The following LZTS1 variants were observed in gnomAD, a reference collection of about 807,000 sequenced individuals.
LZTS1 encodes the protein leucine zipper tumor suppressor 1.
A neutral mutation model predicts 45.8 loss-of-function variants in LZTS1; 31 were observed. The ratio of observed to expected loss-of-function variants is 0.68; its 90% CI spans 0.51 to 0.91. The LOEUF is 0.91. Among genes scored for constraint, LZTS1 ranks in the 40% least tolerant of loss-of-function variants. The probability of loss-of-function intolerance (pLI) is 0.00; values close to 1 mark genes in which losing one functional copy is unlikely to be tolerated. For synonymous variants in LZTS1, 359 were observed against 357.3 expected (o/e 1.00, Z -0.05); for missense variants, 821 against 788.9 (o/e 1.04, Z -0.49).
chr8:20,282,048 G>A (rs532642882), intron 1 of LZTS1, among the ~76,000 whole-genome samples: 21 of 152,200 alleles, frequency 1.4e-4, no homozygotes, highest in African/African-American at 4.8e-4. Flanking sequence ...TCTCCTCTGA[G>A]TACTGCAATC....
At chr8:20,285,247 T>C (rs1021020867) in intron 1 of LZTS1, among the ~76,000 whole-genome samples, 1 of 152,214 alleles carries the variant, frequency 6.6e-6, no homozygotes, top group African/African-American at 2.4e-5. Flanking sequence ...TGTGAGCTCA[T>C]CAACTTCCAC....
intron 1 of LZTS1, among the ~76,000 whole-genome samples, chr8:20,258,742 C>T (rs1305128742): frequency 1.3e-5 from 2 of 152,188 alleles, no homozygotes; most frequent in Non-Finnish European, 2.9e-5. Context: ...AAATGCTAGG[C>T]AGTGTTATCG....
At chr8:20,300,035 C>G (rs1473329332) in intron 1 of LZTS1, among the ~76,000 whole-genome samples, 1 of 152,178 alleles carries the variant, frequency 6.6e-6, no homozygotes, top group East Asian at 1.9e-4. Flanking sequence ...CATAACTGTG[C>G]TTGTGGGTTG....
intron 1 of LZTS1, among the ~76,000 whole-genome samples, chr8:20,283,444 C>G (rs933450455): frequency 9.9e-5 from 15 of 152,184 alleles, no homozygotes; most frequent in Admixed American, 3.3e-4. Flanking sequence ...TCTTGGACTT[C>G]TCAGCCTCCA....
chr8:20,263,591 C>G (rs924371875), intron 1 of LZTS1, among the ~76,000 whole-genome samples: 2 of 152,200 alleles, frequency 1.3e-5, no homozygotes, highest in African/African-American at 4.8e-5. Context: ...CCTTCAGGAG[C>G]TGGAGAGACC....
intron 1 of LZTS1, among the ~76,000 whole-genome samples, chr8:20,287,304 TCA>T (rs1800809466): frequency 1.3e-5 from 2 of 152,368 alleles, no homozygotes; most frequent in East Asian, 3.9e-4. Flanking sequence ...GCCCAGCTCC[TCA>T]CTGGAGCTTC....
chr8:20,264,280 C>A (rs551493496), intron 1 of LZTS1, among the ~76,000 whole-genome samples: 2 of 152,316 alleles, frequency 1.3e-5, no homozygotes, highest in South Asian at 2.1e-4. Context: ...CACCTCATTT[C>A]TTTTACTATT....
Position 20,249,765 on chromosome 8 carries a change from C to T in LZTS1, c.1748G>A (p.Gly583Glu), listed in dbSNP as rs190462710. 3.7e-6 allele frequency: 6 copies of T among 1,612,792 alleles called. No homozygotes were observed. Among genetic ancestry groups the T allele is most frequent in the Admixed American group, 1.7e-5 (1 of 60,016 alleles). The change falls in exon 4 of 4, where the codon GGG (glycine) becomes GAG (glutamate). Residue 583 changes from glycine to glutamate, a missense_variant. By Grantham distance (98) the Gly-to-Glu change is moderately conservative. Transcript: ENST00000381569. ...AGEPLEVDLE[G>E]ADIPYEDIIA... Reference sequence around the variant, plus strand: ...GATGTCCTCGTAGGGGATGTCAGCCCCTTCCAGGTCAACCTCCAAGGGCTC... The same window carrying T: ...GATGTCCTCGTAGGGGATGTCAGCCTCTTCCAGGTCAACCTCCAAGGGCTC...
At chr8:20,288,026 G>A (rs1017520809) in intron 1 of LZTS1, among the ~76,000 whole-genome samples, 2 of 150,948 alleles carry the variant, frequency 1.3e-5, no homozygotes, top group Admixed American at 6.6e-5. Context: ...GGGGAATCCC[G>A]ACTGTGGGTC....
intron 1 of LZTS1, among the ~76,000 whole-genome samples, chr8:20,270,196 C>T (rs1800444398): frequency 6.6e-6 from 1 of 152,280 alleles, no homozygotes; most frequent in Non-Finnish European, 1.5e-5. Context: ...CTAGGCCACT[C>T]AGCAAGGCAG....
At position 20,249,556 on chromosome 8, in the gene LZTS1, CAG is replaced by C. The variant is rs1563846180; in HGVS notation, c.*164_*165del. The C allele has an allele frequency of 1.2e-5, 10 of 805,396 alleles. No homozygotes were observed. The highest frequency in any genetic ancestry group is 1.9e-5 in the Non-Finnish European group (10 of 524,958). The allele number at this position is 805,396 out of a possible 1,614,324, so 49.9% of individuals were successfully genotyped here. Reference sequence around the variant, plus strand: ...GCAGGGCTGGTGAGCACTGGGACATCAGAGAGGGAAGGAAAGGCCATCCTGCC... The same window carrying C: ...GCAGGGCTGGTGAGCACTGGGACATCAGAGGGAAGGAAAGGCCATCCTGCC... On this transcript the variant is annotated 3_prime_UTR_variant, in exon 4 of 4. Transcript: ENST00000381569.
At chr8:20,262,592 G>A (rs558062061) in intron 1 of LZTS1, among the ~76,000 whole-genome samples, 6 of 152,248 alleles carry the variant, frequency 3.9e-5, no homozygotes, top group South Asian at 2.1e-4. Context: ...TGCCCTTATC[G>A]GGAACAGCAT....
intron 1 of LZTS1, among the ~76,000 whole-genome samples, chr8:20,295,169 G>C (rs1026660807): frequency 4.6e-5 from 7 of 151,776 alleles, no homozygotes; most frequent in African/African-American, 1.7e-4. Flanking sequence ...TGTGAGAACC[G>C]ATTCTGCTTC....
At position 20,287,483 on chromosome 8, in the gene LZTS1, G is replaced by T. The variant is rs77212271; in HGVS notation, c.-135+16257C>A. On this transcript the variant is annotated intron_variant, in intron 1 of 3. Transcript: ENST00000381569. ...CACCCTCAACTCTCTTTCCCTTCCT[G>T]GCTCTACAGAGGGTCTATGAGCTTG... Among the ~76,000 whole-genome samples the T allele has an allele frequency of 4.5e-3, 686 of 152,284 alleles. 9 individuals are homozygous for T. Among genetic ancestry groups the T allele is most frequent in the African/African-American group, 0.015 (643 of 41,564 alleles).
chr8:20,263,651 C>T (rs1800291453), intron 1 of LZTS1, among the ~76,000 whole-genome samples: 1 of 152,102 alleles, frequency 6.6e-6, no homozygotes, highest in Admixed American at 6.6e-5. Context: ...AAGGCAGCCC[C>T]ATCCCTCCAC....
In LZTS1 at chr8:20,248,895, C is replaced by G. The variant is rs73604002; in HGVS notation, c.*827G>C. On this transcript the variant is annotated 3_prime_UTR_variant, in exon 4 of 4. Transcript: ENST00000381569. ...CTGGAAAGCCACACCCTCTGGTTCACGGTGGTTTCAACCCTCCCTTCCCAG... is the reference window on the plus strand; with the variant it reads ...CTGGAAAGCCACACCCTCTGGTTCAGGGTGGTTTCAACCCTCCCTTCCCAG... 2.0e-5 allele frequency: 3 copies of G among 152,564 alleles called. No individual in the cohort carries two copies. The highest frequency in any genetic ancestry group is 6.5e-5 in the Admixed American group (1 of 15,270). The allele number at this position is 152,564 out of a possible 1,614,324, so 9.5% of individuals were successfully genotyped here.
intron 1 of LZTS1, among the ~76,000 whole-genome samples, chr8:20,270,128 G>A (rs1800442702): frequency 6.6e-6 from 1 of 152,268 alleles, no homozygotes; most frequent in African/African-American, 2.4e-5. Flanking sequence ...GAGAAAAGCT[G>A]TTAAGGCCAG....
chr8:20,249,602 G>C lies in LZTS1; in HGVS notation c.*120C>G. 1 of 1,285,628 alleles carries C rather than the reference G, an allele frequency of 7.8e-7. No homozygotes were observed. Among genetic ancestry groups the C allele is most frequent in the South Asian group, 1.5e-5 (1 of 68,094 alleles). The allele number at this position is 1,285,628 out of a possible 1,614,324, so 79.6% of individuals were successfully genotyped here. On this transcript the variant is annotated 3_prime_UTR_variant, in exon 4 of 4. Transcript: ENST00000381569. Reference sequence around the variant, plus strand: ...TCCTGCCCTCCCCTCGGGGGTCCTGGGTCTGTGTCCCAGGGAGTGGCGTCT... The same window carrying C: ...TCCTGCCCTCCCCTCGGGGGTCCTGCGTCTGTGTCCCAGGGAGTGGCGTCT...
At chr8:20,273,344 C>G (rs1800511168) in intron 1 of LZTS1, among the ~76,000 whole-genome samples, 1 of 152,142 alleles carries the variant, frequency 6.6e-6, no homozygotes, top group Admixed American at 6.5e-5. Context: ...TGCACGGCGT[C>G]AGCTGCATCC....
Sources: gnomAD v4.1 joint callset for allele counts (sites outside exome capture counted in the v4.1 genomes callset) on GRCh38, gnomAD v4.1.1 for gene constraint, MANE v1.5 for transcripts, NCBI Gene and HGNC (gene_info 2026-07-23, HGNC 2026-07-21) for gene names.